The following PCGF3 variants were observed in gnomAD, a reference collection of about 807,000 sequenced individuals.
PCGF3 encodes polycomb group ring finger 3, also known as polycomb group RING finger protein 3.
PCGF3 carries 7 observed loss-of-function variants against 33.1 expected under a neutral mutation model. The observed-to-expected ratio is 0.21, with a 90% CI of 0.12 to 0.40. The LOEUF is 0.40. Among genes scored for constraint, PCGF3 ranks in the 10% least tolerant of loss-of-function variants. The probability of loss-of-function intolerance (pLI) is 1.00; values close to 1 mark genes in which losing one functional copy is unlikely to be tolerated. For synonymous variants in PCGF3, 153 were observed against 121.3 expected, an observed-to-expected ratio of 1.26 and a Z score of -1.72; for missense variants, 211 against 313.3, an observed-to-expected ratio of 0.67 and a Z score of 2.46.
rs574843889 is a variant in PCGF3 at position 734,164 on chromosome 4, T to G, written c.109+375T>G. On this transcript the variant is annotated intron_variant, in intron 4 of 10. Transcript: ENST00000362003. The stretch of plus-strand genomic sequence containing the variant: ...TCCAGTGTGTTCTTCACACCTGATG[T>G]GCGTCCTCACACCTGATGAGTCTGT... 2.0e-6 allele frequency: 3 copies of G among 1,505,908 alleles called. No homozygotes were observed. The South Asian group carries it at 3.6e-5, about 18-fold the overall frequency. The allele number at this position is 1,505,908 out of a possible 1,614,324, so 93.3% of individuals were successfully genotyped here. A position where few individuals can be genotyped will look rare whatever the true frequency, so the allele number is the denominator to read the frequency against.
intron 1 of PCGF3, among the ~76,000 whole-genome samples, chr4:713,103 G>GGC: frequency 6.6e-6 from 1 of 151,826 alleles, no homozygotes; most frequent in African/African-American, 2.4e-5. Flanking sequence ...TTCTTCGTGG[G>GGC]TCCTGTGTGG....
chr4:762,792 T>G (rs1745135492), intron 9 of PCGF3: 1 of 152,204 alleles, frequency 6.6e-6, no homozygotes, highest in Non-Finnish European at 1.5e-5. Context: ...ACATTTCTAT[T>G]GTTTGAAGAC....
At position 716,834 on chromosome 4, in the gene PCGF3, G is replaced by A. The variant is rs553297367; in HGVS notation, c.-190+10864G>A. On this transcript the variant is annotated intron_variant, in intron 1 of 10. Transcript: ENST00000362003. ...ACTGTGAGTGTGAGAACTGGGCGTC[G>A]GTGCTGGGACCCTCTAGACACTGTG... Among the ~76,000 whole-genome samples the A allele has an allele frequency of 3.2e-3, 435 of 133,874 alleles. 7 individuals carry two copies. The highest frequency in any genetic ancestry group is 0.012 in the African/African-American group (405 of 34,700). The allele number at this position is 133,874 out of a possible 152,430, so 87.8% of individuals were successfully genotyped here.
At chr4:764,745 C>T (rs1317237289) in intron 9 of PCGF3, 6 of 467,062 alleles carry the variant, frequency 1.3e-5, no homozygotes, top group African/African-American at 4.0e-5. Context: ...CGGGCCTGCC[C>T]TGTAATATCT....
intron 10 of PCGF3, 131 bp from the exon 11 acceptor site, chr4:765,901 G>A (rs1745343465): frequency 3.9e-6 from 3 of 770,436 alleles, no homozygotes; most frequent in Admixed American, 4.0e-5. Context: ...CAGAACAGAA[G>A]GGTCTCTGTG....
chr4:761,395 C>A lies in PCGF3; in HGVS notation c.579C>A (p.Leu193=), dbSNP rs780641518. The change falls in exon 9 of 11, where the codon CTC becomes CTA. Residue 193 remains leucine (L), a synonymous_variant. Coordinates refer to ENST00000362003, the Ensembl canonical transcript of PCGF3. The stretch of plus-strand genomic sequence containing the variant: ...TGAAGAAGTTCATCGCCAAAAAACT[C>A]AACCTTTCATCCTTTAACGAGGTAA... 4 of 1,610,052 alleles carry A rather than the reference C, an allele frequency of 2.5e-6. No individual in the cohort carries two copies. In the East Asian group the frequency reaches 9.0e-5, roughly 36 times the overall value.
At chr4:731,057 G>T in exon 3 of PCGF3, 1 of 398,644 alleles carries the variant, frequency 2.5e-6, no homozygotes, top group Non-Finnish European at 4.4e-6. Flanking sequence ...GGGAGTGCTG[G>T]CCTGAAGCCT....
chr4:733,742 G>C lies in PCGF3; in HGVS notation c.62G>C (p.Ser21Thr), dbSNP rs554120309. The change falls in exon 4 of 11, where the codon AGC becomes ACC. Residue 21 changes from serine (S) to threonine (T), a missense_variant. Physicochemically the swap from Ser to Thr is moderately conservative, Grantham distance 58. This residue lies in a region of PCGF3 where 53 missense variants were observed against 106.5 expected (regional missense o/e 0.50). Transcript: ENST00000362003. ...GCCCACATCACCTGCCGCCTGTGCA[G>C]CGGGTACCTCATCGACGCCACCACG... The C allele has an allele frequency of 1.9e-6, 3 of 1,612,916 alleles. No individual in the cohort carries two copies. The African/African-American group carries it at 4.0e-5, about 21-fold the overall frequency.
intron 8 of PCGF3, among the ~76,000 whole-genome samples, chr4:748,904 G>A (rs752421344): frequency 5.3e-5 from 8 of 152,126 alleles, no homozygotes; most frequent in South Asian, 2.1e-4. Flanking sequence ...TGGAAATTCA[G>A]TTTTGGGGTC....
At chr4:764,122 G>A (rs903663831) in intron 9 of PCGF3, among the ~76,000 whole-genome samples, 2 of 152,078 alleles carry the variant, frequency 1.3e-5, no homozygotes, top group East Asian at 1.9e-4. Context: ...CCACCAGGGC[G>A]ACCTGACATC....
chr4:737,684 CTCT>C (rs1560207173), intron 6 of PCGF3, 163 bp downstream of exon 6: 6 of 617,040 alleles, frequency 9.7e-6, no homozygotes, highest in African/African-American at 3.7e-5. Flanking sequence ...CTTGGCTGGT[CTCT>C]TCTTTCGTCT....
intron 9 of PCGF3, among the ~76,000 whole-genome samples, chr4:763,295 A>AAGCACTGC: frequency 2.6e-5 from 4 of 152,286 alleles, no homozygotes; most frequent in Admixed American, 2.6e-4. Context: ...GTGTAGCGGG[A>AAGCACTGC]AGCTGCCGGA....
chr4:753,903 A>G (rs1271720797), intron 8 of PCGF3, among the ~76,000 whole-genome samples: 3 of 152,230 alleles, frequency 2.0e-5, no homozygotes, highest in African/African-American at 7.2e-5. Context: ...ACTGCACTCC[A>G]GCCTGGGTAA....
chr4:714,045 A>T (rs961750447), intron 1 of PCGF3, among the ~76,000 whole-genome samples: 1 of 152,106 alleles, frequency 6.6e-6, no homozygotes, highest in African/African-American at 2.4e-5. Flanking sequence ...CCTAACCCCC[A>T]AGGTGTCAGT....
At position 733,804 on chromosome 4, in the gene PCGF3, C is replaced by G. The variant is rs758565236; in HGVS notation, c.109+15C>G. On this transcript the variant is annotated intron_variant, in intron 4 of 10. Coordinates refer to ENST00000362003, the Ensembl canonical transcript of PCGF3. Reference sequence around the variant, plus strand: ...TCTGCACACCTGTACGTGCCCTGCCCGCGCCACCCAGGGAGGGCGCGCCCT... The same window carrying G: ...TCTGCACACCTGTACGTGCCCTGCCGGCGCCACCCAGGGAGGGCGCGCCCT... 1.2e-6 allele frequency: 2 copies of G among 1,613,772 alleles called. No individual in the cohort carries two copies. The highest frequency in any genetic ancestry group is 4.5e-5 in the East Asian group (2 of 44,882).
chr4:750,273 C>A (rs1744455205), intron 8 of PCGF3, among the ~76,000 whole-genome samples: 1 of 152,208 alleles, frequency 6.6e-6, no homozygotes, highest in Admixed American at 6.5e-5. Flanking sequence ...GTAACGTGGC[C>A]TTTTTGGGTT....
At chr4:743,854 G>A in intron 7 of PCGF3, 1 of 342,180 alleles carries the variant, frequency 2.9e-6, no homozygotes, top group Non-Finnish European at 5.4e-6. Context: ...CAGAAGGCCT[G>A]TGGAAAGAGT....
intron 9 of PCGF3, among the ~76,000 whole-genome samples, chr4:763,495 A>C (rs1745184665): frequency 6.6e-6 from 1 of 152,230 alleles, no homozygotes; most frequent in Admixed American, 6.5e-5. Context: ...AGAACTGTCT[A>C]CATGATCAGG....
chr4:753,961 T>G (rs1379939762), intron 8 of PCGF3, among the ~76,000 whole-genome samples: 2 of 152,166 alleles, frequency 1.3e-5, no homozygotes, highest in Non-Finnish European at 2.9e-5. Flanking sequence ...CAGCTTCCCT[T>G]GGAGCGAGCA....
Sources: gnomAD v4.1 joint callset for allele counts (sites outside exome capture counted in the v4.1 genomes callset) on GRCh38, gnomAD v4.1.1 for gene constraint, gnomAD v4.1.1 regional missense constraint, MANE v1.5 for transcripts, NCBI Gene and HGNC (gene_info 2026-07-23, HGNC 2026-07-21) for gene names.